The following FTO variants were observed in gnomAD, a reference collection of about 807,000 sequenced individuals.
FTO encodes the protein alpha-ketoglutarate-dependent dioxygenase FTO.
FTO carries 47 observed loss-of-function variants against 63.9 expected under a neutral mutation model. That is an observed-to-expected ratio of 0.74 (90% CI 0.58 to 0.94). The LOEUF (loss-of-function observed/expected upper bound fraction) is 0.94, where lower values mean the gene tolerates loss of function less well. FTO is among the 40% of genes least tolerant of loss of function. The probability of loss-of-function intolerance (pLI) is 0.00; values close to 1 mark genes in which losing one functional copy is unlikely to be tolerated. For synonymous variants in FTO, 207 were observed against 224.4 expected (o/e 0.92, Z 0.69); for missense variants, 562 against 618.1 (o/e 0.91, Z 0.96).
At chr16:54,067,474 G>T (rs757359395) in intron 8 of FTO, among the ~76,000 whole-genome samples, 1 of 152,194 alleles carries the variant, frequency 6.6e-6, no homozygotes. Flanking sequence ...GTTAGTTTAC[G>T]CAGTGCATAT....
intron 8 of FTO, among the ~76,000 whole-genome samples, chr16:54,102,207 A>G (rs2086655755): frequency 6.6e-6 from 1 of 152,176 alleles, no homozygotes; most frequent in East Asian, 1.9e-4. Context: ...ACCCTGGAAG[A>G]CAAACTAGGC....
chr16:54,007,770 T>C (rs957949807), intron 8 of FTO, among the ~76,000 whole-genome samples: 1 of 152,236 alleles, frequency 6.6e-6, no homozygotes, highest in Non-Finnish European at 1.5e-5. Context: ...CTTCTGGTAT[T>C]GCCAAAGAAG....
At chr16:53,704,039 G>A (rs1971783806), upstream of FTO, 1 of 871,596 alleles carries the variant, frequency 1.1e-6, no homozygotes, top group Non-Finnish European at 1.9e-6. Context: ...TCGCCGCGGT[G>A]CATCCTGGGA....
At chr16:53,727,660 T>C (rs774762095) in intron 1 of FTO, among the ~76,000 whole-genome samples, 3 of 152,184 alleles carry the variant, frequency 2.0e-5, no homozygotes, top group Non-Finnish European at 4.4e-5. Context: ...GTATGGAAAG[T>C]GTTGGTTTGC....
intron 8 of FTO, among the ~76,000 whole-genome samples, chr16:54,080,273 G>T (rs1272661425): frequency 6.6e-6 from 1 of 152,098 alleles, no homozygotes; most frequent in Non-Finnish European, 1.5e-5. Context: ...GACAGTAACA[G>T]AATGGCTATC....
chr16:53,724,899 A>G (rs1336574443), intron 1 of FTO, among the ~76,000 whole-genome samples: 1 of 152,188 alleles, frequency 6.6e-6, no homozygotes, highest in Non-Finnish European at 1.5e-5. Context: ...AATTGCTGAT[A>G]ATTAATAATT....
intron 8 of FTO, among the ~76,000 whole-genome samples, chr16:54,012,455 G>A (rs1194662384): frequency 6.6e-6 from 1 of 152,230 alleles, no homozygotes; most frequent in Non-Finnish European, 1.5e-5. Context: ...TACAGAGGCT[G>A]CAGCAAGCTA....
intron 8 of FTO, among the ~76,000 whole-genome samples, chr16:54,098,170 A>T (rs2086556766): frequency 6.6e-6 from 1 of 152,230 alleles, no homozygotes; most frequent in African/African-American, 2.4e-5. Flanking sequence ...AGTTTAATTC[A>T]TCAGAAGACT....
intron 8 of FTO, among the ~76,000 whole-genome samples, chr16:54,051,688 C>G (rs1399073060): frequency 6.6e-6 from 1 of 152,214 alleles, no homozygotes; most frequent in African/African-American, 2.4e-5. Context: ...ATCTCAAAAG[C>G]AGTCCTCATA....
intron 8 of FTO, among the ~76,000 whole-genome samples, chr16:54,081,456 C>T (rs1322174858): frequency 3.9e-5 from 6 of 152,134 alleles, no homozygotes; most frequent in African/African-American, 1.2e-4. Context: ...CCAATCAGGA[C>T]ACATTCTTGA....
At chr16:53,728,504 G>T (rs779469306) in intron 1 of FTO, among the ~76,000 whole-genome samples, 10 of 152,084 alleles carry the variant, frequency 6.6e-5, no homozygotes, top group Non-Finnish European at 1.5e-4. Context: ...TAAGTTCTAG[G>T]ATACAGCCAT....
intron 4 of FTO, among the ~76,000 whole-genome samples, chr16:53,858,086 G>C (rs1220952091): frequency 6.6e-6 from 1 of 151,942 alleles, no homozygotes; most frequent in Non-Finnish European, 1.5e-5. Context: ...AAAAAAACTA[G>C]AAGGAATTAG....
At position 53,718,515 on chromosome 16, in the gene FTO, T is replaced by G. The variant is rs59925648; in HGVS notation, c.45+14286T>G. 2.7e-3 allele frequency among the ~76,000 whole-genome samples: 405 copies of G among 152,266 alleles called. 4 individuals carry two copies. Among genetic ancestry groups the G allele is most frequent in the African/African-American group, 9.3e-3 (386 of 41,586 alleles). On this transcript the variant is annotated intron_variant, in intron 1 of 8. Transcript: ENST00000471389. ...CAGTAATTATACTCTCCTCTCCTTTTTTTTTCTTCTATTATTACCTTGTCT... is the reference window on the plus strand; with the variant it reads ...CAGTAATTATACTCTCCTCTCCTTTGTTTTTCTTCTATTATTACCTTGTCT...
At chr16:53,733,810 TAAGG>T (rs1199132444) in intron 1 of FTO, among the ~76,000 whole-genome samples, 1 of 152,358 alleles carries the variant, frequency 6.6e-6, no homozygotes, top group East Asian at 1.9e-4. Context: ...GAACATTATA[TAAGG>T]ATTTCCTCTA....
chr16:53,751,859 T>G (rs765810906), intron 1 of FTO, among the ~76,000 whole-genome samples: 4 of 152,206 alleles, frequency 2.6e-5, no homozygotes, highest in Non-Finnish European at 5.9e-5. Flanking sequence ...TATTTCCTAG[T>G]GATGTTGCTG....
rs1046462693 is a variant in FTO at position 54,113,119 on chromosome 16, C to T, written c.*1204C>T. The T allele has an allele frequency of 3.3e-5, 5 of 152,152 alleles. No individual in the cohort carries two copies. The highest frequency in any genetic ancestry group is 6.5e-5 in the Admixed American group (1 of 15,282). 9.4% of individuals were successfully genotyped at this position (152,152 alleles called of 1,614,324 possible). ...AATTTCCAGCACATAGTTAAATATC[C>T]AGGAAATTCTGGTACTGTTATGTGT... On this transcript the variant is annotated 3_prime_UTR_variant, in exon 9 of 9. Coordinates refer to ENST00000471389, the MANE Select transcript of FTO (RefSeq NM_001080432.3).
chr16:54,056,779 G>A (rs550835171), intron 8 of FTO, among the ~76,000 whole-genome samples: 1 of 152,264 alleles, frequency 6.6e-6, no homozygotes, highest in Admixed American at 6.5e-5. Flanking sequence ...CCTAAAACCA[G>A]AGCCATCAGC....
At position 53,945,627 on chromosome 16, in the gene FTO, G is replaced by A. The variant is rs563518010; in HGVS notation, c.1364+11518G>A. On this transcript the variant is annotated intron_variant, in intron 8 of 8. Transcript: ENST00000471389. ...GTGGGTGCATCTCTATAAGGAAATA[G>A]TATCCAGCTAATGCATTATCAATCT... Among the ~76,000 whole-genome samples, 268 of 152,322 alleles carry A rather than the reference G, an allele frequency of 1.8e-3. 1 individual carries two copies. The highest frequency in any genetic ancestry group is 3.2e-3 in the Non-Finnish European group (217 of 68,030).
intron 7 of FTO, among the ~76,000 whole-genome samples, chr16:53,913,911 G>A (rs951540347): frequency 2.0e-5 from 3 of 151,684 alleles, no homozygotes; most frequent in Non-Finnish European, 4.4e-5. Context: ...CCCTGGGGGC[G>A]GAGGCTGCTG....
Sources: gnomAD v4.1 joint callset for allele counts (sites outside exome capture counted in the v4.1 genomes callset) on GRCh38, gnomAD v4.1.1 for gene constraint, MANE v1.5 for transcripts, NCBI Gene and HGNC (gene_info 2026-07-23, HGNC 2026-07-21) for gene names.